The following FRMD6 variants were observed in gnomAD, a reference collection of about 807,000 sequenced individuals.
FRMD6 encodes the protein FERM domain containing 6.
A neutral mutation model predicts 73.2 loss-of-function variants in FRMD6; 37 were observed. That is an observed-to-expected ratio of 0.51 (90% CI 0.39 to 0.66). The LOEUF (loss-of-function observed/expected upper bound fraction) is 0.66, where lower values mean the gene tolerates loss of function less well. Among genes scored for constraint, FRMD6 ranks in the 30% least tolerant of loss-of-function variants. FRMD6 has a pLI of 0.00. For synonymous variants in FRMD6, 273 were observed against 282.2 expected, an observed-to-expected ratio of 0.97 and a Z score of 0.33; for missense variants, 714 against 780.5, an observed-to-expected ratio of 0.91 and a Z score of 1.02.
chr14:51,531,136 T>C (rs1885560242), intron 1 of FRMD6, among the ~76,000 whole-genome samples: 1 of 152,182 alleles, frequency 6.6e-6, no homozygotes, highest in African/African-American at 2.4e-5. Flanking sequence ...CTCCTTCTTT[T>C]AGGCCCTACC....
the FRMD6 span, among the ~76,000 whole-genome samples, chr14:51,482,270 T>C: frequency 1.3e-5 from 2 of 152,040 alleles, no homozygotes; most frequent in African/African-American, 4.8e-5. Flanking sequence ...GCTTATGTCA[T>C]GGCACACAAG....
intron 1 of FRMD6, among the ~76,000 whole-genome samples, chr14:51,682,759 T>G (rs1352966076): frequency 6.6e-6 from 1 of 152,174 alleles, no homozygotes; most frequent in Non-Finnish European, 1.5e-5. Context: ...GAAGAGCAGC[T>G]CTCTCCTTCC....
At chr14:51,445,473 AAT>A in the FRMD6 span, among the ~76,000 whole-genome samples, 8 of 16,602 alleles carry the variant, frequency 4.8e-4, no homozygotes, top group African/African-American at 2.3e-3. Context: ...ACAGAAGTGC[AAT>A]TTTTTTTTTT....
chr14:51,415,174 A>C, the FRMD6 span, among the ~76,000 whole-genome samples: 1 of 152,222 alleles, frequency 6.6e-6, no homozygotes, highest in Non-Finnish European at 1.5e-5. Context: ...CCTGGCCAGA[A>C]CTTCCAACAC....
intron 3 of FRMD6, among the ~76,000 whole-genome samples, chr14:51,699,732 G>A (rs1448126965): frequency 6.6e-6 from 1 of 151,916 alleles, no homozygotes; most frequent in African/African-American, 2.4e-5. Context: ...GAGGTATAGT[G>A]GCAGTTTAAA....
intron 1 of FRMD6, among the ~76,000 whole-genome samples, chr14:51,536,662 C>T (rs1341838670): frequency 6.6e-6 from 1 of 152,092 alleles, no homozygotes; most frequent in Non-Finnish European, 1.5e-5. Context: ...AGTGATCTGC[C>T]CGCCTTGGCC....
intron 2 of FRMD6, among the ~76,000 whole-genome samples, chr14:51,631,558 G>A (rs1891337449): frequency 6.6e-6 from 1 of 152,246 alleles, no homozygotes; most frequent in African/African-American, 2.4e-5. Context: ...AAAAGGGACA[G>A]AGAATGGGAG....
chr14:51,478,980 C>G, the FRMD6 span, among the ~76,000 whole-genome samples: 1 of 152,112 alleles, frequency 6.6e-6, no homozygotes, highest in Non-Finnish European at 1.5e-5. Flanking sequence ...TATTTGGTTC[C>G]TTGGGAAAAT....
intron 1 of FRMD6, among the ~76,000 whole-genome samples, chr14:51,549,591 C>CTTTTTTTTTTTTTTTTTTTTTTTTTTT (rs1168905376): frequency 1.1e-5 from 1 of 93,620 alleles, no homozygotes; most frequent in Non-Finnish European, 2.0e-5. Flanking sequence ...CTTTTTTTTT[C>CTTTTTTTTTTTTTTTTTTTTTTTTTTT]TTTCTTTTTT....
chr14:51,639,573 T>A (rs1250144043), intron 2 of FRMD6, among the ~76,000 whole-genome samples: 1 of 152,252 alleles, frequency 6.6e-6, no homozygotes, highest in Non-Finnish European at 1.5e-5. Context: ...CTGTTATGAC[T>A]AAATTAGATA....
At chr14:51,515,330 G>A (rs1365863237) in intron 1 of FRMD6, among the ~76,000 whole-genome samples, 1 of 152,174 alleles carries the variant, frequency 6.6e-6, no homozygotes, top group Admixed American at 6.5e-5. Context: ...TCTCTAACTA[G>A]TCCCTTTGCC....
chr14:51,640,568 A>G (rs1891766000), intron 2 of FRMD6, among the ~76,000 whole-genome samples: 1 of 152,260 alleles, frequency 6.6e-6, no homozygotes, highest in South Asian at 2.1e-4. Context: ...AAGGTGCTTA[A>G]TGATCCCGTT....
At chr14:51,512,517 A>G (rs1311469814) in intron 1 of FRMD6, among the ~76,000 whole-genome samples, 2 of 152,202 alleles carry the variant, frequency 1.3e-5, no homozygotes, top group South Asian at 2.1e-4. Context: ...CAAGGCTGCC[A>G]CTGGAGAATT....
chr14:51,722,698 G>T, intron 12 of FRMD6, among the ~76,000 whole-genome samples: 1 of 152,176 alleles, frequency 6.6e-6, no homozygotes, highest in East Asian at 1.9e-4. Flanking sequence ...TTTAAAAAAC[G>T]GCAGCAGTAT....
intron 1 of FRMD6, among the ~76,000 whole-genome samples, chr14:51,667,970 T>C (rs546675241): frequency 1.1e-4 from 16 of 152,326 alleles, no homozygotes; most frequent in African/African-American, 3.4e-4. Flanking sequence ...TCATGAAATA[T>C]AAGTTGTAGA....
At chr14:51,625,205 A>T (rs965003731) in intron 2 of FRMD6, among the ~76,000 whole-genome samples, 2 of 152,172 alleles carry the variant, frequency 1.3e-5, no homozygotes, top group Non-Finnish European at 2.9e-5. Flanking sequence ...AATACTTGGC[A>T]TATTACTTCC....
the FRMD6 span, among the ~76,000 whole-genome samples, chr14:51,455,362 A>T: frequency 2.0e-5 from 3 of 152,222 alleles, no homozygotes; most frequent in Non-Finnish European, 4.4e-5. Flanking sequence ...TTAAGGCACC[A>T]TTATGGATCT....
chr14:51,576,554 G>A (rs1888415058), intron 2 of FRMD6, among the ~76,000 whole-genome samples: 2 of 152,080 alleles, frequency 1.3e-5, no homozygotes, highest in South Asian at 4.1e-4. Flanking sequence ...ACCTCCTTCT[G>A]TGACAGAGCT....
At chr14:51,511,043 C>T (rs1025439026) in intron 1 of FRMD6, among the ~76,000 whole-genome samples, 6 of 151,968 alleles carry the variant, frequency 3.9e-5, no homozygotes, top group African/African-American at 1.5e-4. Context: ...CTTGGTAAAG[C>T]CATTTCATTC....
Sources: gnomAD v4.1 joint callset for allele counts (sites outside exome capture counted in the v4.1 genomes callset) on GRCh38, gnomAD v4.1.1 for gene constraint, MANE v1.5 for transcripts, NCBI Gene and HGNC (gene_info 2026-07-23, HGNC 2026-07-21) for gene names.